The following FLRT2 variants were observed in gnomAD, a reference collection of about 807,000 sequenced individuals.
The protein encoded by FLRT2 is leucine-rich repeat transmembrane protein FLRT2.
FLRT2 carries 15 observed loss-of-function variants against 40.0 expected under a neutral mutation model. The ratio of observed to expected loss-of-function variants is 0.38; its 90% CI spans 0.25 to 0.58. The LOEUF is 0.58. FLRT2 is among the 20% of genes least tolerant of loss of function. The pLI is 0.71. For missense variants in FLRT2, 726 were observed against 840.0 expected (o/e 0.86, Z 1.68); for synonymous variants, 380 against 336.8 (o/e 1.13, Z -1.41).
chr14:85,544,878 C>T (rs754455346), intron 1 of FLRT2, among the ~76,000 whole-genome samples: 2 of 152,164 alleles, frequency 1.3e-5, no homozygotes, highest in Non-Finnish European at 2.9e-5. Context: ...ACTTCAATCC[C>T]TTCCTCCCCT....
chr14:85,545,037 T>C (rs971642664), intron 1 of FLRT2, among the ~76,000 whole-genome samples: 1 of 151,982 alleles, frequency 6.6e-6, no homozygotes, highest in Non-Finnish European at 1.5e-5. Flanking sequence ...AAAAAACACA[T>C]GAGATGATTT....
rs1893955002 is a variant in FLRT2 at position 85,634,492 on chromosome 14, G to C, written c.*10995G>C. ...GAGGAAGCAGGAAGTGAGCTGTTTT[G>C]TAATGGAGGCCAATTATATCTAACA... On this transcript the variant is annotated 3_prime_UTR_variant, in exon 2 of 2. Transcript: ENST00000330753. The C allele has an allele frequency of 6.6e-6, 1 of 152,188 alleles. No individual in the cohort carries two copies. Among genetic ancestry groups the C allele is most frequent in the Admixed American group, 6.5e-5 (1 of 15,276 alleles). The allele number at this position is 152,188 out of a possible 1,614,324, so 9.4% of individuals were successfully genotyped here. A position where few individuals can be genotyped will look rare whatever the true frequency, so the allele number is the denominator to read the frequency against.
At chr14:85,564,277 C>T (rs964435548) in intron 1 of FLRT2, among the ~76,000 whole-genome samples, 9 of 152,158 alleles carry the variant, frequency 5.9e-5, no homozygotes, top group Non-Finnish European at 1.0e-4. Flanking sequence ...CTTGGATTGG[C>T]TTCAATTGCC....
chr14:85,637,540 A>G lies in FLRT2; in HGVS notation c.*14043A>G, dbSNP rs1184818742. 4.6e-5 allele frequency: 7 copies of G among 152,176 alleles called. No homozygotes were observed. The highest frequency in any genetic ancestry group is 1.5e-5 in the Non-Finnish European group (1 of 68,038). 9.4% of individuals were successfully genotyped at this position (152,176 alleles called of 1,614,324 possible). On this transcript the variant is annotated 3_prime_UTR_variant, in exon 2 of 2. Transcript: ENST00000330753. ...ACTCCATTCAATATTCTTTCTTTCC[A>G]CAATCGTCTGTCACTCCCGGTAGAA...
chr14:85,580,099 A>G (rs1007945255), intron 1 of FLRT2, among the ~76,000 whole-genome samples: 1 of 151,872 alleles, frequency 6.6e-6, no homozygotes, highest in Non-Finnish European at 1.5e-5. Flanking sequence ...ATTTCTCCCA[A>G]AGTATTTGTG....
chr14:85,626,225 T>C lies in FLRT2; in HGVS notation c.*2728T>C, dbSNP rs1893676771. 1 of 167,106 alleles carries C rather than the reference T, an allele frequency of 6.0e-6. No individual in the cohort carries two copies. Among genetic ancestry groups the C allele is most frequent in the South Asian group, 2.1e-4 (1 of 4,836 alleles). 10.4% of individuals were successfully genotyped at this position (167,106 alleles called of 1,614,324 possible). ...TCTTATGAAAATTGCCAAACAACTG[T>C]CCCTGGGGATTCTGCTTTGATTGGC... On this transcript the variant is annotated 3_prime_UTR_variant, in exon 2 of 2. Coordinates refer to ENST00000330753, the MANE Select transcript of FLRT2 (RefSeq NM_013231.6).
chr14:85,629,169 T>A lies in FLRT2; in HGVS notation c.*5672T>A, dbSNP rs2139382686. On this transcript the variant is annotated 3_prime_UTR_variant, in exon 2 of 2. Coordinates refer to ENST00000330753, the MANE Select transcript of FLRT2 (RefSeq NM_013231.6). ...TTCCAGTGTCTCAGAGCCTGCATAA[T>A]CACTTTATACTACTTCATTAAATTG... 6.6e-6 allele frequency: 1 copy of A among 152,326 alleles called. No homozygotes were observed. The highest frequency in any genetic ancestry group is 6.5e-5 in the Admixed American group (1 of 15,302). The allele number at this position is 152,326 out of a possible 1,614,324, so 9.4% of individuals were successfully genotyped here.
rs1445218285 is a variant in FLRT2, at chr14:85,642,089, T to C, written c.*18592T>C. On this transcript the variant is annotated 3_prime_UTR_variant, in exon 2 of 2. Transcript: ENST00000330753. The stretch of plus-strand genomic sequence containing the variant: ...GGTCCAAGGAGCATCTATGATTATC[T>C]CCGACACTATTTTATTTCTTACAGT... 1.4e-5 allele frequency: 2 copies of C among 140,604 alleles called. No homozygotes were observed. Among genetic ancestry groups the C allele is most frequent in the Non-Finnish European group, 1.5e-5 (1 of 66,646 alleles). The allele number at this position is 140,604 out of a possible 1,614,324, so 8.7% of individuals were successfully genotyped here. A position where few individuals can be genotyped will look rare whatever the true frequency, so the allele number is the denominator to read the frequency against.
intron 1 of FLRT2, among the ~76,000 whole-genome samples, chr14:85,539,861 G>A (rs886505491): frequency 5.9e-5 from 9 of 152,122 alleles, no homozygotes; most frequent in African/African-American, 1.9e-4. Context: ...TCGCTCTTAC[G>A]GCCTCAAGAG....
At chr14:85,544,875 T>C (rs1889191465) in intron 1 of FLRT2, among the ~76,000 whole-genome samples, 1 of 152,156 alleles carries the variant, frequency 6.6e-6, no homozygotes, top group Admixed American at 6.6e-5. Flanking sequence ...CACACTTCAA[T>C]CCCTTCCTCC....
At chr14:85,535,735 G>A in intron 1 of FLRT2, among the ~76,000 whole-genome samples, 1 of 152,096 alleles carries the variant, frequency 6.6e-6, no homozygotes, top group Non-Finnish European at 1.5e-5. Flanking sequence ...ATACTGTCAT[G>A]TTGAGTTGCA....
chr14:85,623,555 G>T lies in FLRT2; in HGVS notation c.*58G>T, dbSNP rs182906635. Reference sequence around the variant, plus strand: ...ATTAGACTCTTGAGAACACACTCGTGTGTGCACATAAAGACACGCAGATTA... The same window carrying T: ...ATTAGACTCTTGAGAACACACTCGTTTGTGCACATAAAGACACGCAGATTA... On this transcript the variant is annotated 3_prime_UTR_variant, in exon 2 of 2. Transcript: ENST00000330753. 1.9e-4 allele frequency: 250 copies of T among 1,323,524 alleles called. 1 individual carries two copies. In the African/African-American group the frequency reaches 2.7e-3, roughly 14 times the overall value. The allele number at this position is 1,323,524 out of a possible 1,614,324, so 82.0% of individuals were successfully genotyped here.
chr14:85,622,918 G>A lies in FLRT2; in HGVS notation c.1404G>A (p.Glu468=). 1 of 1,614,206 alleles carries A rather than the reference G, an allele frequency of 6.2e-7. No individual in the cohort carries two copies. The highest frequency in any genetic ancestry group is 8.5e-7 in the Non-Finnish European group (1 of 1,180,030). ...GTTTAGTAGGGGGCATCGTTCAGGA[G>A]CGCATAGTCAGCGGTGAGAAGCAAC... ...GHSLVGGIVQ[E]RIVSGEKQHL... The change falls in exon 2 of 2, where the codon GAG becomes GAA. Residue 468 remains glutamate (E), a synonymous_variant. Coordinates refer to ENST00000330753, the MANE Select transcript of FLRT2 (RefSeq NM_013231.6).
intron 1 of FLRT2, among the ~76,000 whole-genome samples, chr14:85,593,934 C>A (rs1019472697): frequency 6.6e-6 from 1 of 151,996 alleles, no homozygotes; most frequent in Non-Finnish European, 1.5e-5. Flanking sequence ...CCCAGCTACT[C>A]CAGAGGCTGA....
At position 85,653,261 on chromosome 14, in the gene FLRT2, G is replaced by A. The variant is rs1006060386; in HGVS notation, c.*29764G>A. The A allele has an allele frequency of 2.0e-5, 3 of 152,060 alleles. No homozygotes were observed. The highest frequency in any genetic ancestry group is 4.4e-5 in the Non-Finnish European group (3 of 68,026). 9.4% of individuals were successfully genotyped at this position (152,060 alleles called of 1,614,324 possible). ...AAGTTGTAACCCTGCCCACAAAATA[G>A]CTTTGCTAGGGAACAGATGTAACTT... On this transcript the variant is annotated 3_prime_UTR_variant, in exon 2 of 2. Transcript: ENST00000330753.
chr14:85,548,171 A>G (rs1889389330), intron 1 of FLRT2, among the ~76,000 whole-genome samples: 1 of 152,142 alleles, frequency 6.6e-6, no homozygotes, highest in Non-Finnish European at 1.5e-5. Context: ...TGTGGCCTCA[A>G]CCTACTTCTG....
chr14:85,590,406 G>A (rs1051182382), intron 1 of FLRT2, among the ~76,000 whole-genome samples: 10 of 152,022 alleles, frequency 6.6e-5, no homozygotes, highest in African/African-American at 2.4e-4. Context: ...AACTTGAAAA[G>A]CAAATCACTA....
In FLRT2 at chr14:85,622,859, G is replaced by A; in HGVS notation, c.1345G>A (p.Ala449Thr). 1.2e-6 allele frequency: 2 copies of A among 1,614,146 alleles called. No homozygotes were observed. Among genetic ancestry groups the A allele is most frequent in the Non-Finnish European group, 1.7e-6 (2 of 1,180,040 alleles). The change falls in exon 2 of 2, where the codon GCA becomes ACA. Residue 449 changes from alanine to threonine, a missense_variant. Around this residue, in one of 3 missense-constraint regions of FLRT2, gnomAD observed 611 missense variants for 690.0 expected, o/e 0.89. Coordinates refer to ENST00000330753, the MANE Select transcript of FLRT2 (RefSeq NM_013231.6). ...CTGGCTCTCTCTCTTCACCGTGATG[G>A]CATACAAACTCACATGGGTGAAAAT... The part of the protein sequence containing the change: ...VSWLSLFTVM[A>T]YKLTWVKMGH...
chr14:85,600,059 G>C lies in FLRT2; in HGVS notation c.-376-21080G>C, dbSNP rs547448623. Among the ~76,000 whole-genome samples the C allele has an allele frequency of 3.5e-4, 53 of 152,334 alleles. 1 individual carries two copies. The highest frequency in any genetic ancestry group is 6.6e-4 in the Non-Finnish European group (45 of 68,038). ...AGAGATGTGACGCAAGTGCAGTTCA[G>C]CTCATTTATGGGGGTAGCTATAAAT... On this transcript the variant is annotated intron_variant, in intron 1 of 1. Coordinates refer to ENST00000330753, the MANE Select transcript of FLRT2 (RefSeq NM_013231.6).
Sources: allele counts gnomAD v4.1 joint callset (sites outside exome capture counted in the v4.1 genomes callset), GRCh38; gene constraint gnomAD v4.1.1; regional missense constraint gnomAD v4.1.1; transcripts MANE v1.5; gene names NCBI Gene and HGNC (gene_info 2026-07-23, HGNC 2026-07-21).